AKAP13: variants seen among roughly 807,000 people sequenced by gnomAD.
The protein encoded by AKAP13 is A-kinase anchoring protein 13.
AKAP13 carries 80 observed loss-of-function variants against 264.5 expected under a neutral mutation model. That is an observed-to-expected ratio of 0.30 (90% confidence interval 0.25 to 0.36). The LOEUF (loss-of-function observed/expected upper bound fraction) is 0.36, where lower values mean the gene tolerates loss of function less well. Among genes scored for constraint, AKAP13 ranks in the 10% least tolerant of loss-of-function variants. AKAP13 has a pLI of 1.00. For synonymous variants in AKAP13, 1,380 were observed against 1,250.2 expected, an observed-to-expected ratio of 1.10 and a Z score of -2.19; for missense variants, 3,712 against 3,435.2, an observed-to-expected ratio of 1.08 and a Z score of -2.01.
rs146388266 is a variant in AKAP13 at position 85,710,625 on chromosome 15, C to T, written c.5579C>T (p.Thr1860Met). The T allele has an allele frequency of 5.8e-5, 93 of 1,613,628 alleles. 2 individuals are homozygous for T. In the South Asian group the frequency reaches 9.0e-4, roughly 16 times the overall value. Residue 1860 changes from threonine to methionine, a missense_variant, in exon 19 of 37, where the codon ACG becomes ATG. Thr to Met is a moderately conservative substitution (Grantham distance 81). This residue lies in a region of AKAP13 where 2,759 missense variants were observed against 2,411.7 expected (regional missense o/e 1.14). Coordinates refer to ENST00000394518, the MANE Select transcript of AKAP13 (RefSeq NM_007200.5). ...LQAHDTSSLP[T>M]VIMRNKPSQP... ...GCACATGACACATCATCACTGCCCA[C>T]GGTCATTATGAGAAACAAGCGTAAG... is the stretch of plus-strand genomic sequence containing the variant.
At chr15:85,458,393 G>GTTTGT (rs371906372) in intron 1 of AKAP13, among the ~76,000 whole-genome samples, 1 of 120,664 alleles carries the variant, frequency 8.3e-6, no homozygotes, top group African/African-American at 3.3e-5. Flanking sequence ...TTTGTTTTTT[G>GTTTGT]TTTTTTTTTT....
At chr15:85,714,823 C>A (rs560003056) in intron 19 of AKAP13, among the ~76,000 whole-genome samples, 14 of 152,210 alleles carry the variant, frequency 9.2e-5, no homozygotes, top group African/African-American at 2.6e-4. Flanking sequence ...AAAAATTAGC[C>A]AGGCATGGTG....
At chr15:85,564,127 T>G (rs2078517818) in intron 5 of AKAP13, among the ~76,000 whole-genome samples, 1 of 152,220 alleles carries the variant, frequency 6.6e-6, no homozygotes, top group Non-Finnish European at 1.5e-5. Flanking sequence ...AAGTAGATAC[T>G]CAAATAATAC....
chr15:85,550,262 C>A (rs188714798), intron 5 of AKAP13, among the ~76,000 whole-genome samples: 22 of 152,288 alleles, frequency 1.4e-4, no homozygotes, highest in African/African-American at 5.1e-4. Flanking sequence ...GGTAAAGTGA[C>A]TTGCCCAAGG....
chr15:85,639,360 T>C lies in AKAP13; in HGVS notation c.4162-14T>C, dbSNP rs779918306. 10 of 1,591,520 alleles carry C rather than the reference T, an allele frequency of 6.3e-6. No homozygotes were observed. In the African/African-American group the frequency reaches 1.1e-4, roughly 17 times the overall value. ...CTTCAATGTCTGAAACTCTGTGTTT[T>C]CTTTTTCTTTCAGATAAACCGAGAA... On this transcript the variant is annotated splice_polypyrimidine_tract_variant and intron_variant, in intron 8 of 36. Coordinates refer to ENST00000394518, the MANE Select transcript of AKAP13 (RefSeq NM_007200.5).
rs2072205347 is a variant in AKAP13 at position 85,415,633 on chromosome 15, A to G, written c.-12+34835A>G. 3.5e-6 allele frequency: 5 copies of G among 1,414,618 alleles called. No individual in the cohort carries two copies. The East Asian group carries it at 1.1e-4, about 32-fold the overall frequency. 87.6% of individuals were successfully genotyped at this position (1,414,618 alleles called of 1,614,324 possible). On this transcript the variant is annotated intron_variant, in intron 1 of 36. Coordinates refer to ENST00000394518, the MANE Select transcript of AKAP13 (RefSeq NM_007200.5). ...ACTCGGATCTATGAAAAAGTAGAAT[A>G]AAAATTCCATCATCACTTTGGACAG...
intron 5 of AKAP13, among the ~76,000 whole-genome samples, chr15:85,569,083 G>A (rs188101842): frequency 3.3e-5 from 5 of 152,224 alleles, no homozygotes; most frequent in East Asian, 3.9e-4. Context: ...GGATAACAGT[G>A]GTTTCATAAA....
At chr15:85,700,585 A>T (rs183505900) in intron 17 of AKAP13, among the ~76,000 whole-genome samples, 142 of 152,334 alleles carry the variant, frequency 9.3e-4, no homozygotes, top group African/African-American at 3.3e-3. Flanking sequence ...TCTGTGTAGT[A>T]ATTAGTTTAA....
At chr15:85,445,270 A>G (rs1047173616) in intron 1 of AKAP13, among the ~76,000 whole-genome samples, 9 of 152,186 alleles carry the variant, frequency 5.9e-5, no homozygotes, top group African/African-American at 1.4e-4. Context: ...ATGGTCAGCA[A>G]CTTGGCACCT....
chr15:85,442,699 C>A (rs1300184239), intron 1 of AKAP13, among the ~76,000 whole-genome samples: 3 of 151,322 alleles, frequency 2.0e-5, no homozygotes, highest in African/African-American at 7.3e-5. Flanking sequence ...CTTTCTTCCC[C>A]TATCATTGCC....
intron 14 of AKAP13, among the ~76,000 whole-genome samples, chr15:85,680,833 T>G (rs1037216734): frequency 2.0e-5 from 3 of 152,230 alleles, no homozygotes; most frequent in Non-Finnish European, 2.9e-5. Context: ...TGTTTTTGTT[T>G]TTGAGATGGA....
intron 29 of AKAP13, 95 bp from the exon 30 acceptor site, chr15:85,730,402 GTCCTGTCTTGTCACTT>G: frequency 3.7e-6 from 4 of 1,090,444 alleles, no homozygotes; most frequent in Non-Finnish European, 5.4e-6. Flanking sequence ...TGGGGAGGGT[GTCCTGTCTTGTCACTT>G]TCCATAAATT....
intron 2 of AKAP13, among the ~76,000 whole-genome samples, chr15:85,505,806 G>A (rs1036415597): frequency 6.6e-6 from 1 of 152,146 alleles, no homozygotes; most frequent in African/African-American, 2.4e-5. Flanking sequence ...TATAGGAAAA[G>A]CCCCTAGGTT....
At chr15:85,684,661 C>A in intron 15 of AKAP13, 80 bp from the exon 16 acceptor site, 1 of 1,456,628 alleles carries the variant, frequency 6.9e-7, no homozygotes, top group South Asian at 1.3e-5. Flanking sequence ...CAGCAGCCTT[C>A]ATCTACCTTT....
At chr15:85,619,496 G>T in intron 8 of AKAP13, 1 of 985,376 alleles carries the variant, frequency 1.0e-6, no homozygotes, top group Non-Finnish European at 1.2e-6. Flanking sequence ...ACTTTGAAAA[G>T]CATCTCCCAG....
At chr15:85,517,524 G>C (rs1212048031) in intron 2 of AKAP13, among the ~76,000 whole-genome samples, 1 of 152,056 alleles carries the variant, frequency 6.6e-6, no homozygotes, top group East Asian at 1.9e-4. Context: ...AAATCTAGGT[G>C]AAAAGATTTT....
At chr15:85,706,271 G>A (rs1386579167) in intron 17 of AKAP13, among the ~76,000 whole-genome samples, 1 of 152,154 alleles carries the variant, frequency 6.6e-6, no homozygotes, top group African/African-American at 2.4e-5. Context: ...GAGGGGAGGT[G>A]CACCATACAC....
At chr15:85,684,919 C>G in intron 16 of AKAP13, 46 bp downstream of exon 16, 1 of 1,571,594 alleles carries the variant, frequency 6.4e-7, no homozygotes, top group Non-Finnish European at 8.6e-7. Context: ...CAGTAGGATC[C>G]TGTCACAGCC....
At chr15:85,639,103 A>C (rs2082191860) in intron 8 of AKAP13, among the ~76,000 whole-genome samples, 1 of 151,918 alleles carries the variant, frequency 6.6e-6, no homozygotes, top group Non-Finnish European at 1.5e-5. Context: ...TTTTAATTTT[A>C]CCCTTGGCCT....
Sources: allele counts gnomAD v4.1 joint callset (sites outside exome capture counted in the v4.1 genomes callset), GRCh38; gene constraint gnomAD v4.1.1; regional missense constraint gnomAD v4.1.1; transcripts MANE v1.5; gene names NCBI Gene and HGNC (gene_info 2026-07-23, HGNC 2026-07-21).